Variants in TMEM229B observed in about 807,000 individuals in gnomAD.
The protein encoded by TMEM229B is transmembrane protein 229B, also known as chromosome 14 open reading frame 83.
In TMEM229B, 6 loss-of-function variants were observed where a neutral mutation model predicts 13.7. The observed-to-expected ratio is 0.44, with a 90% CI of 0.24 to 0.86. The LOEUF (loss-of-function observed/expected upper bound fraction) is 0.86. TMEM229B is among the 40% of genes least tolerant of loss of function. The pLI is 0.23. For synonymous variants in TMEM229B, 107 were observed against 102.1 expected, an observed-to-expected ratio of 1.05 and a Z score of -0.29; for missense variants, 170 against 236.0, an observed-to-expected ratio of 0.72 and a Z score of 1.83.
intron 2 of TMEM229B, among the ~76,000 whole-genome samples, chr14:67,479,415 A>T: frequency 6.6e-6 from 1 of 150,950 alleles, no homozygotes. Flanking sequence ...TGTCTCAAAA[A>T]AAAAAAAAAA....
At chr14:67,497,637 C>T (rs981796845) in intron 1 of TMEM229B, among the ~76,000 whole-genome samples, 8 of 152,144 alleles carry the variant, frequency 5.3e-5, no homozygotes, top group African/African-American at 1.7e-4. Context: ...TAAACACAGG[C>T]GGTTTTTGCA....
At chr14:67,502,230 CT>C (rs1474410276) in intron 1 of TMEM229B, among the ~76,000 whole-genome samples, 3 of 151,722 alleles carry the variant, frequency 2.0e-5, no homozygotes, top group Non-Finnish European at 4.4e-5. Flanking sequence ...ACTCGGGAGG[CT>C]GAGGCAGGAG....
rs188760590 is a variant in TMEM229B, at chr14:67,508,391, T to C, written c.-192+6695A>G. Reference sequence around the variant, plus strand: ...TGAAGAGAGGTTAGAGAATATCTTGTCCAAATGATAAGAAAACTAAAAGCC... The same window carrying C: ...TGAAGAGAGGTTAGAGAATATCTTGCCCAAATGATAAGAAAACTAAAAGCC... On this transcript the variant is annotated intron_variant, in intron 1 of 2. Coordinates refer to the TMEM229B transcript ENST00000357461. Among the ~76,000 whole-genome samples the C allele has an allele frequency of 2.0e-5, 3 of 152,128 alleles. No individual in the cohort carries two copies. The East Asian group carries it at 5.8e-4, about 30-fold the overall frequency.
At chr14:67,518,681 A>G (rs2033244270), upstream of TMEM229B, among the ~76,000 whole-genome samples, 1 of 152,232 alleles carries the variant, frequency 6.6e-6, no homozygotes, top group Non-Finnish European at 1.5e-5. Flanking sequence ...AACCAGCCAT[A>G]AAGGGTTTGC....
intron 2 of TMEM229B, among the ~76,000 whole-genome samples, chr14:67,485,654 C>T (rs2031831264): frequency 6.6e-6 from 1 of 152,218 alleles, no homozygotes; most frequent in Non-Finnish European, 1.5e-5. Flanking sequence ...CCTGCACAGA[C>T]ATAACAGCCT....
chr14:67,517,535 C>T (rs912824312), upstream of TMEM229B, among the ~76,000 whole-genome samples: 2 of 152,102 alleles, frequency 1.3e-5, no homozygotes, highest in South Asian at 4.1e-4. Flanking sequence ...CAGAGAAGCT[C>T]TATTGTAGAA....
chr14:67,489,092 T>C (rs951901956), upstream of TMEM229B, among the ~76,000 whole-genome samples: 1 of 152,166 alleles, frequency 6.6e-6, no homozygotes, highest in Non-Finnish European at 1.5e-5. Flanking sequence ...AACATATGAA[T>C]GAATGATGAG....
chr14:67,487,643 A>T (rs965816150), intron 1 of TMEM229B, among the ~76,000 whole-genome samples: 13 of 152,238 alleles, frequency 8.5e-5, no homozygotes, highest in Non-Finnish European at 1.5e-4. Flanking sequence ...AATGTGTGCT[A>T]AACCTTTCTA....
At chr14:67,518,814 G>A (rs1268059612), upstream of TMEM229B, among the ~76,000 whole-genome samples, 3 of 152,192 alleles carry the variant, frequency 2.0e-5, no homozygotes, top group Non-Finnish European at 1.5e-5. Context: ...GGAGAGATGT[G>A]GCTCAAGAGG....
chr14:67,474,125 T>A (rs1446718980), intron 2 of TMEM229B, among the ~76,000 whole-genome samples, 184 bp from the exon 3 acceptor site: 1 of 151,882 alleles, frequency 6.6e-6, no homozygotes, highest in African/African-American at 2.4e-5. Context: ...GGTGGCCCGC[T>A]CCTGTAATCC....
chr14:67,511,711 G>T (rs2033032661), intron 1 of TMEM229B, among the ~76,000 whole-genome samples: 1 of 152,196 alleles, frequency 6.6e-6, no homozygotes, highest in African/African-American at 2.4e-5. Context: ...GGAGCAGGGG[G>T]CCAGCATCAC....
chr14:67,500,292 G>T (rs2032551873), intron 1 of TMEM229B, among the ~76,000 whole-genome samples: 1 of 152,068 alleles, frequency 6.6e-6, no homozygotes, highest in African/African-American at 2.4e-5. Context: ...TGGCCAACAT[G>T]GTGAAACCTT....
At chr14:67,512,054 C>T (rs375965727) in intron 1 of TMEM229B, among the ~76,000 whole-genome samples, 2 of 152,136 alleles carry the variant, frequency 1.3e-5, no homozygotes, top group South Asian at 4.1e-4. Flanking sequence ...AATTCTGGTA[C>T]GTAAATTCTG....
Position 67,473,252 on chromosome 14 carries a change from GCC to G in TMEM229B, c.*166_*167del. ...CCCCATCCCCCAACACCTGACCACG[GCC>G]CCCCAACACCGGCCCCCGCGGACGT... On this transcript the variant is annotated 3_prime_UTR_variant, in exon 3 of 3. Coordinates refer to ENST00000554480, the MANE Select transcript of TMEM229B (RefSeq NM_001348543.2). This position sits in a 1 kb window ranked among gnomAD's most constrained non-coding sequence, Gnocchi z 6.5. 1.1e-6 allele frequency: 1 copy of G among 885,232 alleles called. No individual in the cohort carries two copies. The highest frequency in any genetic ancestry group is 1.7e-6 in the Non-Finnish European group (1 of 592,182). The allele number at this position is 885,232 out of a possible 1,614,324, so 54.8% of individuals were successfully genotyped here.
chr14:67,483,700 G>T (rs2031718659), intron 2 of TMEM229B, among the ~76,000 whole-genome samples: 1 of 152,156 alleles, frequency 6.6e-6, no homozygotes, highest in African/African-American at 2.4e-5. Context: ...CCCTCACCAG[G>T]ACACACACAA....
chr14:67,485,540 C>CAAA (rs1228358911), intron 2 of TMEM229B, among the ~76,000 whole-genome samples: 2 of 152,068 alleles, frequency 1.3e-5, no homozygotes, highest in Non-Finnish European at 2.9e-5. Context: ...CTAGGAACTC[C>CAAA]AAAAAAAGCT....
At chr14:67,507,332 G>A (rs2032863004) in intron 1 of TMEM229B, among the ~76,000 whole-genome samples, 1 of 152,056 alleles carries the variant, frequency 6.6e-6, no homozygotes, top group Non-Finnish European at 1.5e-5. Flanking sequence ...CTGGGTGACA[G>A]AACAACATCC....
At chr14:67,493,094 G>C (rs1434197506), upstream of TMEM229B, among the ~76,000 whole-genome samples, 3 of 152,218 alleles carry the variant, frequency 2.0e-5, no homozygotes, top group Non-Finnish European at 4.4e-5. Flanking sequence ...TCCAGGCAGA[G>C]AGGACAGTTA....
chr14:67,533,386 G>C (rs1173961884), intron 1 of TMEM229B: 1 of 151,514 alleles, frequency 6.6e-6, no homozygotes, highest in Non-Finnish European at 1.5e-5. Context: ...GGACGGCCGC[G>C]AGCTCGCTGG....
Sources: allele counts gnomAD v4.1 joint callset (sites outside exome capture counted in the v4.1 genomes callset), GRCh38; gene constraint gnomAD v4.1.1; non-coding constraint Gnocchi (gnomAD v3.1); transcripts MANE v1.5; gene names NCBI Gene and HGNC (gene_info 2026-07-23, HGNC 2026-07-21).